The following MAST4 variants were observed in gnomAD, a reference collection of about 807,000 sequenced individuals.
MAST4 encodes the protein microtubule-associated serine/threonine-protein kinase 4.
In MAST4, 89 loss-of-function variants were observed where a neutral mutation model predicts 162.7. The observed-to-expected ratio is 0.55, with a 90% CI of 0.46 to 0.65. MAST4 has a LOEUF of 0.65. Among genes scored for constraint, MAST4 ranks in the 30% least tolerant of loss-of-function variants. The pLI, the probability that MAST4 is intolerant of heterozygous loss-of-function variation, is 0.00. For missense variants in MAST4, 3,153 were observed against 3,374.0 expected, an observed-to-expected ratio of 0.93 and a Z score of 1.62; for synonymous variants, 1,479 against 1,361.1, an observed-to-expected ratio of 1.09 and a Z score of -1.91.
At chr5:67,126,510 C>A (rs921165458) in intron 14 of MAST4, among the ~76,000 whole-genome samples, 5 of 152,130 alleles carry the variant, frequency 3.3e-5, no homozygotes, top group African/African-American at 1.2e-4. Context: ...ATCCTTTCCC[C>A]CATTGCTTGT....
chr5:66,802,599 G>C (rs543667608), intron 3 of MAST4, among the ~76,000 whole-genome samples: 1 of 152,246 alleles, frequency 6.6e-6, no homozygotes, highest in African/African-American at 2.4e-5. Flanking sequence ...GTCTCTGTAG[G>C]TCTTTAGAGT....
intron 1 of MAST4, among the ~76,000 whole-genome samples, chr5:66,629,890 T>G (rs1176956457): frequency 3.3e-5 from 5 of 152,196 alleles, no homozygotes; most frequent in Admixed American, 3.3e-4. Flanking sequence ...GGAATATAGT[T>G]TTATTTTGAA....
At chr5:66,738,342 G>A (rs1304174601) in intron 1 of MAST4, 6 of 152,540 alleles carry the variant, frequency 3.9e-5, no homozygotes, top group African/African-American at 1.2e-4. Flanking sequence ...CACACTCACT[G>A]GTCAGACTTT....
At chr5:66,732,538 T>G (rs1028757740) in intron 1 of MAST4, among the ~76,000 whole-genome samples, 1 of 152,210 alleles carries the variant, frequency 6.6e-6, no homozygotes, top group Non-Finnish European at 1.5e-5. Flanking sequence ...GTGCTATAGT[T>G]ATTTGCTTAG....
At chr5:67,067,947 A>G (rs2150639686) in intron 5 of MAST4, among the ~76,000 whole-genome samples, 1 of 152,310 alleles carries the variant, frequency 6.6e-6, no homozygotes, top group East Asian at 1.9e-4. Flanking sequence ...ACACACACAC[A>G]GGCTTGAAAC....
chr5:66,657,357 C>T lies in MAST4; in HGVS notation c.363+60339C>T, dbSNP rs1330378697. Reference sequence around the variant, plus strand: ...ATCTTCAGAGTCTCTAATAGTTTAGCAATCTGCAAACTGATTGCAATTGGA... The same window carrying T: ...ATCTTCAGAGTCTCTAATAGTTTAGTAATCTGCAAACTGATTGCAATTGGA... On this transcript the variant is annotated intron_variant, in intron 1 of 28. Coordinates refer to ENST00000403625, the MANE Select transcript of MAST4 (RefSeq NM_001164664.2). 5.3e-5 allele frequency among the ~76,000 whole-genome samples: 8 copies of T among 152,196 alleles called. 1 individual carries two copies. Among genetic ancestry groups the T allele is most frequent in the Admixed American group, 5.2e-4 (8 of 15,286 alleles).
At chr5:67,108,378 GT>G (rs1765826193) in intron 10 of MAST4, among the ~76,000 whole-genome samples, 1 of 152,074 alleles carries the variant, frequency 6.6e-6, no homozygotes, top group Non-Finnish European at 1.5e-5. Context: ...AAAGTTTTCT[GT>G]TTAGTTTGGT....
rs372772517 is a variant in MAST4 at position 67,018,439 on chromosome 5, C to T, written c.675-35965C>T. Among the ~76,000 whole-genome samples, 261 of 152,002 alleles carry T rather than the reference C, an allele frequency of 1.7e-3. 2 individuals are homozygous for T. The highest frequency in any genetic ancestry group is 6.1e-3 in the African/African-American group (254 of 41,444). On this transcript the variant is annotated intron_variant, in intron 4 of 28. Coordinates refer to ENST00000403625, the MANE Select transcript of MAST4 (RefSeq NM_001164664.2). The stretch of plus-strand genomic sequence containing the variant: ...CTGAGGCAGGAGGATTGCTTGAGCC[C>T]GAGAGGTCGCAGCTGCAGTGAGCAA...
chr5:67,163,143 A>G lies in MAST4; in HGVS notation c.3968-4A>G. 4 of 1,595,888 alleles carry G rather than the reference A, an allele frequency of 2.5e-6. No homozygotes were observed. The highest frequency in any genetic ancestry group is 3.4e-6 in the Non-Finnish European group (4 of 1,166,398). On this transcript the variant is annotated splice_region_variant and splice_polypyrimidine_tract_variant and intron_variant, in intron 28 of 28. Transcript: ENST00000403625. The surrounding 1 kb of genome is among the most constrained non-coding windows in gnomAD (Gnocchi z 7.0). ...GCTCACAGCCTTCTGTTTTCCATCCACAGGTACTAATTCCTCCCAGAGCAG... is the reference window on the plus strand; with the variant it reads ...GCTCACAGCCTTCTGTTTTCCATCCGCAGGTACTAATTCCTCCCAGAGCAG...
chr5:67,166,637 G>T lies in MAST4; in HGVS notation c.7458G>T (p.Lys2486Asn). 1.2e-6 allele frequency: 2 copies of T among 1,600,336 alleles called. No homozygotes were observed. The highest frequency in any genetic ancestry group is 1.7e-6 in the Non-Finnish European group (2 of 1,173,694). The change falls in exon 29 of 29, where the codon AAG becomes AAT. Residue 2486 changes from lysine (K) to asparagine (N), a missense_variant. By Grantham distance (94) the Lys-to-Asn change is moderately conservative (BLOSUM62 0). Around this residue, in one of 7 missense-constraint regions of MAST4, gnomAD observed 1,644 missense variants for 1,495.0 expected, o/e 1.10. Coordinates refer to ENST00000403625, the MANE Select transcript of MAST4 (RefSeq NM_001164664.2). The stretch of plus-strand genomic sequence containing the variant: ...CCAGCAGCGACACCTCTTCTGCCAA[G>T]GCCGCCGGGGGCATGCTGGAGCTTC... ...SAASSDTSSA[K>N]AAGGMLELPA...
intron 5 of MAST4, among the ~76,000 whole-genome samples, chr5:67,072,941 G>A (rs1403348819): frequency 6.6e-6 from 1 of 152,200 alleles, no homozygotes; most frequent in East Asian, 1.9e-4. Flanking sequence ...CTGTTCATTG[G>A]AGAAAAGGCT....
chr5:66,693,212 G>A (rs1749165266), intron 1 of MAST4, among the ~76,000 whole-genome samples: 1 of 152,052 alleles, frequency 6.6e-6, no homozygotes, highest in Admixed American at 6.6e-5. Context: ...CTTTCAACAA[G>A]TCATTAAAGA....
intron 7 of MAST4, among the ~76,000 whole-genome samples, chr5:67,096,424 A>G (rs1053238643): frequency 1.3e-5 from 2 of 152,180 alleles, no homozygotes. Flanking sequence ...GCAGGTGTTC[A>G]ATATATGGAG....
At chr5:67,160,877 C>T (rs1308533801) in intron 27 of MAST4, among the ~76,000 whole-genome samples, 1 of 152,174 alleles carries the variant, frequency 6.6e-6, no homozygotes, top group Non-Finnish European at 1.5e-5. Context: ...CACTTGATTT[C>T]AGTTGAGTTG....
At chr5:66,622,334 T>A (rs1241156114) in intron 1 of MAST4, among the ~76,000 whole-genome samples, 2 of 151,144 alleles carry the variant, frequency 1.3e-5, no homozygotes, top group Admixed American at 6.6e-5. Context: ...GCAGAACAAG[T>A]GTGGGAGAGA....
chr5:66,822,062 T>C (rs1757020629), intron 3 of MAST4, among the ~76,000 whole-genome samples: 1 of 152,146 alleles, frequency 6.6e-6, no homozygotes, highest in Non-Finnish European at 1.5e-5. Context: ...CCCATAATAT[T>C]TTCATTTTAC....
intron 1 of MAST4, among the ~76,000 whole-genome samples, chr5:66,697,072 A>G (rs531778812): frequency 6.6e-6 from 1 of 152,388 alleles, no homozygotes; most frequent in South Asian, 2.1e-4. Context: ...GACTATGGTT[A>G]TCAGATGTAG....
chr5:66,875,783 CAG>C (rs1454820510), intron 3 of MAST4, among the ~76,000 whole-genome samples: 3 of 152,142 alleles, frequency 2.0e-5, no homozygotes, highest in African/African-American at 7.2e-5. Context: ...ATTTTAGAGA[CAG>C]AGTCTCACTT....
At chr5:66,676,877 A>G (rs1034925220) in intron 1 of MAST4, among the ~76,000 whole-genome samples, 2 of 152,262 alleles carry the variant, frequency 1.3e-5, no homozygotes, top group African/African-American at 4.8e-5. Context: ...ATACTTTAAA[A>G]GATATAAACA....
Sources: allele counts gnomAD v4.1 joint callset (sites outside exome capture counted in the v4.1 genomes callset), GRCh38; gene constraint gnomAD v4.1.1; regional missense constraint gnomAD v4.1.1; non-coding constraint Gnocchi (gnomAD v3.1); transcripts MANE v1.5; gene names NCBI Gene and HGNC (gene_info 2026-07-23, HGNC 2026-07-21).